The following CEP55 variants were observed in gnomAD, a reference collection of about 807,000 sequenced individuals.
CEP55 encodes the protein centrosomal protein of 55 kDa.
In CEP55, 57 loss-of-function variants were observed where a neutral mutation model predicts 63.2. The observed-to-expected ratio is 0.90, with a 90% CI of 0.73 to 1.13. CEP55 has a LOEUF of 1.13. Ranked by LOEUF, CEP55 falls within the 50% of genes most tolerant of loss-of-function variation. The pLI, the probability that CEP55 is intolerant of heterozygous loss-of-function variation, is 0.00. For missense variants in CEP55, 456 were observed against 518.9 expected (o/e 0.88, Z 1.18); for synonymous variants, 178 against 191.6 (o/e 0.93, Z 0.59).
chr10:93,524,960 A>AT (rs1351543213), intron 8 of CEP55, among the ~76,000 whole-genome samples: 1 of 152,008 alleles, frequency 6.6e-6, no homozygotes, highest in Non-Finnish European at 1.5e-5. Context: ...AGAGCTATTT[A>AT]TGACAAACCC....
At position 93,516,970 on chromosome 10, in the gene CEP55, G is replaced by A. The variant is rs767877691; in HGVS notation, c.715G>A (p.Asp239Asn). The A allele has an allele frequency of 1.1e-5, 17 of 1,594,038 alleles. No homozygotes were observed. Among genetic ancestry groups the A allele is most frequent in the African/African-American group, 8.1e-5 (6 of 74,352 alleles). Residue 239 changes from aspartate to asparagine, a missense_variant, in exon 6 of 9, where the codon GAT (aspartate) becomes AAT (asparagine). By Grantham distance (23) the Asp-to-Asn change is conservative. Transcript: ENST00000371485. ...LQEEKQKCYNDLLASAKKDLE... is the reference protein window; with the variant it reads ...LQEEKQKCYNNLLASAKKDLE... The stretch of plus-strand genomic sequence containing the variant: ...AGAAGAGAAGCAGAAATGTTACAAC[G>A]ATCTCTTGGCAAGTGCAAAAAAAGA...
chr10:93,513,372 ACT>A lies in CEP55; in HGVS notation c.529-2028_529-2027del, dbSNP rs1410622684. On this transcript the variant is annotated intron_variant, in intron 4 of 8. Transcript: ENST00000371485. Reference sequence around the variant, plus strand: ...AAAGAGCCTAACAAAGCTTAGAGAAACTCTCTAGACTTAATAAGAGTTTCCAT... The same window carrying A: ...AAAGAGCCTAACAAAGCTTAGAGAAACTCTAGACTTAATAAGAGTTTCCAT... Among the ~76,000 whole-genome samples, 3 of 152,124 alleles carry A rather than the reference ACT, an allele frequency of 2.0e-5. 1 individual carries two copies. Among genetic ancestry groups the A allele is most frequent in the South Asian group, 4.1e-4 (2 of 4,830 alleles).
chr10:93,508,573 A>T (rs2057711233), intron 4 of CEP55, among the ~76,000 whole-genome samples: 1 of 152,226 alleles, frequency 6.6e-6, no homozygotes. Context: ...TTAGATGCAC[A>T]TATTTAGAAA....
At chr10:93,526,278 T>C (rs1198580303) in intron 8 of CEP55, among the ~76,000 whole-genome samples, 1 of 152,118 alleles carries the variant, frequency 6.6e-6, no homozygotes, top group Admixed American at 6.5e-5. Context: ...GTGAAGGATA[T>C]GAATAGACAC....
At position 93,501,999 on chromosome 10, in the gene CEP55, A is replaced by G. The variant is rs570508470; in HGVS notation, c.184-1114A>G. ...CCCATTTGTTCTAATTGTGCCTATT[A>G]AAGTTACACAGAACAAGTCTTATTT... is the stretch of plus-strand genomic sequence containing the variant. On this transcript the variant is annotated intron_variant, in intron 2 of 8. Transcript: ENST00000371485. 3.3e-5 allele frequency among the ~76,000 whole-genome samples: 5 copies of G among 152,366 alleles called. No homozygotes were observed. In the East Asian group the frequency reaches 9.6e-4, roughly 29 times the overall value.
intron 6 of CEP55, 114 bp downstream of exon 6, chr10:93,517,362 G>A: frequency 1.3e-6 from 1 of 741,454 alleles, no homozygotes; most frequent in South Asian, 2.2e-5. Context: ...TGCCCCTCAT[G>A]GGAGTTATAT....
At chr10:93,507,681 C>T (rs764994460) in intron 4 of CEP55, among the ~76,000 whole-genome samples, 1 of 152,156 alleles carries the variant, frequency 6.6e-6, no homozygotes, top group Non-Finnish European at 1.5e-5. Context: ...TGGAGTCTTG[C>T]TCTGTTGCCC....
At chr10:93,518,833 A>T in intron 6 of CEP55, 44 bp from the exon 7 acceptor site, 1 of 1,418,390 alleles carries the variant, frequency 7.1e-7, no homozygotes, top group Non-Finnish European at 9.8e-7. Context: ...GTCAAGCCGG[A>T]AAAGGTTGGA....
At chr10:93,511,351 A>G (rs1420655738) in intron 4 of CEP55, among the ~76,000 whole-genome samples, 1 of 152,204 alleles carries the variant, frequency 6.6e-6, no homozygotes. Context: ...GCTGGAAGGC[A>G]TATCTAATGC....
At position 93,528,115 on chromosome 10, in the gene CEP55, C is replaced by T. The variant is rs201119474; in HGVS notation, c.1357C>T (p.Arg453Cys). The T allele has an allele frequency of 8.1e-6, 13 of 1,613,968 alleles. No individual in the cohort carries two copies. Among genetic ancestry groups the T allele is most frequent in the Non-Finnish European group, 1.1e-5 (13 of 1,179,954 alleles). ...TATACAGTATCCAGCCACTGAGCAT[C>T]GCGATCTGCTTGTCCATGTGGAATA... ...CNIQYPATEH[R>C]DLLVHVEYCS... The change falls in exon 9 of 9, where the codon CGC (arginine) becomes TGC (cysteine). Residue 453 changes from arginine to cysteine, a missense_variant. Physicochemically the swap from Arg to Cys is radical, Grantham distance 180. Coordinates refer to ENST00000371485, the MANE Select transcript of CEP55 (RefSeq NM_018131.5).
At chr10:93,515,220 A>T (rs2057791518) in intron 4 of CEP55, among the ~76,000 whole-genome samples, 185 bp from the exon 5 acceptor site, 1 of 152,264 alleles carries the variant, frequency 6.6e-6, no homozygotes, top group South Asian at 2.1e-4. Flanking sequence ...TTAATCCCAC[A>T]TAAACTACGA....
intron 3 of CEP55, among the ~76,000 whole-genome samples, chr10:93,506,017 C>G (rs1258658514): frequency 6.6e-6 from 1 of 152,122 alleles, no homozygotes; most frequent in Admixed American, 6.6e-5. Flanking sequence ...CAGGCATAAG[C>G]CTGATCTTGG....
intron 4 of CEP55, chr10:93,510,571 A>G (rs1288264956): frequency 6.6e-6 from 1 of 152,150 alleles, no homozygotes; most frequent in African/African-American, 2.4e-5. Flanking sequence ...TTAAACCCAT[A>G]TACTTCAATG....
At chr10:93,513,325 A>G (rs1456867887) in intron 4 of CEP55, among the ~76,000 whole-genome samples, 1 of 152,240 alleles carries the variant, frequency 6.6e-6, no homozygotes, top group Non-Finnish European at 1.5e-5. Flanking sequence ...GCTTTGCTCA[A>G]GAGTTTGTAG....
chr10:93,500,434 C>T (rs567019070), intron 2 of CEP55, among the ~76,000 whole-genome samples, 200 bp downstream of exon 2: 1 of 152,190 alleles, frequency 6.6e-6, no homozygotes, highest in Non-Finnish European at 1.5e-5. Context: ...TCATTACTAA[C>T]TTCTCACCTT....
At chr10:93,502,163 C>G (rs2057642394) in intron 2 of CEP55, among the ~76,000 whole-genome samples, 1 of 152,138 alleles carries the variant, frequency 6.6e-6, no homozygotes, top group Non-Finnish European at 1.5e-5. Context: ...TCATATCCCT[C>G]CTGAATTATG....
intron 8 of CEP55, among the ~76,000 whole-genome samples, chr10:93,524,468 G>T (rs1267928880): frequency 1.3e-5 from 2 of 152,124 alleles, no homozygotes; most frequent in Non-Finnish European, 2.9e-5. Flanking sequence ...ACCAAAAAGA[G>T]TCCAGGACCA....
chr10:93,499,658 A>G (rs968975657), intron 1 of CEP55, among the ~76,000 whole-genome samples: 5 of 151,420 alleles, frequency 3.3e-5, no homozygotes, highest in Admixed American at 1.3e-4. Context: ...AGCATCTGGG[A>G]TTACAGGCAC....
chr10:93,502,965 C>A, intron 2 of CEP55, 148 bp from the exon 3 acceptor site: 2 of 692,634 alleles, frequency 2.9e-6, no homozygotes, highest in Non-Finnish European at 4.7e-6. Flanking sequence ...GAACATAAAA[C>A]TTTGGCTTCC....
Sources: allele counts gnomAD v4.1 joint callset (sites outside exome capture counted in the v4.1 genomes callset), GRCh38; gene constraint gnomAD v4.1.1; transcripts MANE v1.5; gene names NCBI Gene and HGNC (gene_info 2026-07-23, HGNC 2026-07-21).